Variants in CACNA1E observed in about 807,000 individuals in gnomAD.
CACNA1E encodes the protein calcium voltage-gated channel subunit alpha1 E.
A neutral mutation model predicts 259.2 loss-of-function variants in CACNA1E; 40 were observed. The observed-to-expected ratio is 0.15, with a 90% CI of 0.12 to 0.20. The LOEUF is 0.20. CACNA1E is among the 10% of genes least tolerant of loss of function. The pLI, the probability that CACNA1E is intolerant of heterozygous loss-of-function variation, is 1.00. For missense variants in CACNA1E, 1,874 were observed against 3,040.1 expected, an observed-to-expected ratio of 0.62 and a Z score of 9.02; for synonymous variants, 1,104 against 1,138.5, an observed-to-expected ratio of 0.97 and a Z score of 0.61.
chr1:181,599,157 C>A (rs927757856), intron 6 of CACNA1E, among the ~76,000 whole-genome samples: 1 of 151,974 alleles, frequency 6.6e-6, no homozygotes, highest in Non-Finnish European at 1.5e-5. Context: ...GTTCCCCCCT[C>A]CCATGTGTCC....
intron 7 of CACNA1E, among the ~76,000 whole-genome samples, chr1:181,675,454 T>C (rs1206949430): frequency 6.6e-6 from 1 of 152,184 alleles, no homozygotes; most frequent in Non-Finnish European, 1.5e-5. Context: ...TCTTATTTTC[T>C]TCCATGTTTT....
chr1:181,486,660 C>A (rs1393559159), intron 1 of CACNA1E, among the ~76,000 whole-genome samples: 1 of 152,140 alleles, frequency 6.6e-6, no homozygotes, highest in Non-Finnish European at 1.5e-5. Context: ...GTCTTCTTAC[C>A]TGTTAAATGA....
chr1:181,470,502 G>A (rs1662437335), intron 2 of CACNA1E, among the ~76,000 whole-genome samples: 1 of 152,218 alleles, frequency 6.6e-6, no homozygotes, highest in South Asian at 2.1e-4. Context: ...GATTACAGGC[G>A]TGAACTGCCA....
In CACNA1E at chr1:181,429,462, A is replaced by C. The variant is rs1414376117; in HGVS notation, c.434+15882A>C. ...CCTACTTTGAGCCCTCATCTCCACC[A>C]GCATCTATGCGTAGCTCTGCTGTCT... On this transcript the variant is annotated intron_variant, in intron 2 of 11. Transcript: ENST00000524607. 2.6e-5 allele frequency among the ~76,000 whole-genome samples: 4 copies of C among 152,206 alleles called. No individual in the cohort carries two copies. In the East Asian group the frequency reaches 7.7e-4, roughly 29 times the overall value.
At chr1:181,445,543 G>A (rs1660740919) in intron 2 of CACNA1E, among the ~76,000 whole-genome samples, 1 of 152,200 alleles carries the variant, frequency 6.6e-6, no homozygotes, top group Non-Finnish European at 1.5e-5. Flanking sequence ...ATTGGTAGGT[G>A]AGCTTCTGTC....
At chr1:181,734,227 T>C (rs1655810605) in intron 21 of CACNA1E, among the ~76,000 whole-genome samples, 1 of 152,164 alleles carries the variant, frequency 6.6e-6, no homozygotes, top group African/African-American at 2.4e-5. Context: ...AGATGATCTC[T>C]GAGGCCTTTC....
intron 6 of CACNA1E, among the ~76,000 whole-genome samples, chr1:181,604,185 G>A (rs1234366709): frequency 2.6e-5 from 4 of 152,158 alleles, no homozygotes; most frequent in Non-Finnish European, 5.9e-5. Context: ...TCTGGCCTGT[G>A]GCTCATGACT....
chr1:181,380,782 C>T (rs1655402876), intron 1 of CACNA1E, among the ~76,000 whole-genome samples: 1 of 152,072 alleles, frequency 6.6e-6, no homozygotes, highest in Non-Finnish European at 1.5e-5. Context: ...TGTTGGAAAA[C>T]AGTTTAGCAG....
At position 181,544,994 on chromosome 1, in the gene CACNA1E, A is replaced by C. The variant is rs370170454; in HGVS notation, c.513-32772A>C. Among the ~76,000 whole-genome samples the C allele has an allele frequency of 2.6e-5, 4 of 152,332 alleles. No individual in the cohort carries two copies. In the East Asian group the frequency reaches 7.7e-4, roughly 29 times the overall value. ...CTTCTGAGGTTCTTGTTTAAAATGAAAAATTTGGCCCTACCCCCAGAGGGT... is the reference window on the plus strand; with the variant it reads ...CTTCTGAGGTTCTTGTTTAAAATGACAAATTTGGCCCTACCCCCAGAGGGT... On this transcript the variant is annotated intron_variant, in intron 3 of 47. Transcript: ENST00000367573.
Position 181,483,768 on chromosome 1 carries a change from G to T in CACNA1E, c.24G>T (p.Val8=), listed in dbSNP as rs764255895. 3 of 1,609,320 alleles carry T rather than the reference G, an allele frequency of 1.9e-6. No homozygotes were observed. The highest frequency in any genetic ancestry group is 1.1e-5 in the South Asian group (1 of 90,836). The change falls in exon 1 of 48, where the codon GTG becomes GTT. Residue 8 remains valine (V), a synonymous_variant. Coordinates refer to ENST00000367573, the MANE Select transcript of CACNA1E (RefSeq NM_001205293.3). MARFGEA[V]VARPGSGDGD... Reference sequence around the variant, plus strand: ...GGATGGCTCGCTTCGGGGAGGCGGTGGTCGCCAGGCCAGGGTCCGGCGATG... The same window carrying T: ...GGATGGCTCGCTTCGGGGAGGCGGTTGTCGCCAGGCCAGGGTCCGGCGATG...
Position 181,732,912 on chromosome 1 carries a change from C to T in CACNA1E, c.2826C>T (p.Ala942=). 1 of 1,614,044 alleles carries T rather than the reference C, an allele frequency of 6.2e-7. No individual in the cohort carries two copies. Among genetic ancestry groups the T allele is most frequent in the Non-Finnish European group, 8.5e-7 (1 of 1,179,900 alleles). The change falls in exon 20 of 48, where the codon GCC becomes GCT. Residue 942 remains alanine, a synonymous_variant. Coordinates refer to ENST00000367573, the MANE Select transcript of CACNA1E (RefSeq NM_001205293.3). This position sits in a 1 kb window ranked among gnomAD's most constrained non-coding sequence, Gnocchi z 5.5. ...CTTCAGCCTCCCGGAGCAGGTCTGC[C>T]AGCCAGGAACGCAGTCTGGATGAAG... ...ESSSASRSRS[A]SQERSLDEAM...
chr1:181,764,652 C>T (rs1039634571), intron 34 of CACNA1E, among the ~76,000 whole-genome samples: 6 of 152,280 alleles, frequency 3.9e-5, no homozygotes, highest in Admixed American at 6.5e-5. Flanking sequence ...ATGACTCCCA[C>T]GAGGCCTCAC....
intron 1 of CACNA1E, among the ~76,000 whole-genome samples, chr1:181,408,885 AG>A (rs1268400963): frequency 1.3e-5 from 2 of 152,058 alleles, no homozygotes; most frequent in Admixed American, 1.3e-4. Context: ...TCTCTTCAGG[AG>A]TGTTGAGTGT....
intron 1 of CACNA1E, among the ~76,000 whole-genome samples, chr1:181,351,501 A>G (rs1031192759): frequency 1.3e-5 from 2 of 152,202 alleles, no homozygotes; most frequent in Non-Finnish European, 2.9e-5. Flanking sequence ...ACAAATTACT[A>G]CAAACTTCAT....
At chr1:181,624,188 C>T (rs1163373954) in intron 6 of CACNA1E, among the ~76,000 whole-genome samples, 1 of 152,068 alleles carries the variant, frequency 6.6e-6, no homozygotes. Context: ...TGGCACCAGG[C>T]ATCAAGCTAT....
intron 32 of CACNA1E, among the ~76,000 whole-genome samples, chr1:181,759,719 C>T (rs188497853): frequency 3.9e-5 from 6 of 152,244 alleles, no homozygotes; most frequent in Non-Finnish European, 4.4e-5. Flanking sequence ...TTACTTAGGA[C>T]GTGAGCTACC....
At chr1:181,381,972 C>T (rs1178586172) in intron 1 of CACNA1E, among the ~76,000 whole-genome samples, 1 of 152,156 alleles carries the variant, frequency 6.6e-6, no homozygotes, top group Non-Finnish European at 1.5e-5. Flanking sequence ...AAAATGTGCA[C>T]ATGAGCATGG....
intron 18 of CACNA1E, among the ~76,000 whole-genome samples, chr1:181,727,892 C>T (rs535810638): frequency 1.3e-5 from 2 of 152,294 alleles, no homozygotes; most frequent in South Asian, 4.1e-4. Context: ...TCTTCCTTGC[C>T]TTGTGGGGTG....
chr1:181,529,545 C>G (rs1667619071), intron 3 of CACNA1E, among the ~76,000 whole-genome samples: 1 of 152,210 alleles, frequency 6.6e-6, no homozygotes, highest in African/African-American at 2.4e-5. Context: ...CACTCAACAC[C>G]AGCCCATGAA....
Sources: gnomAD v4.1 joint callset for allele counts (sites outside exome capture counted in the v4.1 genomes callset) on GRCh38, gnomAD v4.1.1 for gene constraint, Gnocchi (gnomAD v3.1) non-coding constraint, MANE v1.5 for transcripts, NCBI Gene and HGNC (gene_info 2026-07-23, HGNC 2026-07-21) for gene names.